Variants in RASAL2 observed in about 807,000 individuals in gnomAD.
The protein encoded by RASAL2 is ras GTPase-activating protein nGAP.
A neutral mutation model predicts 128.9 loss-of-function variants in RASAL2; 58 were observed. The ratio of observed to expected loss-of-function variants is 0.45; its 90% CI spans 0.36 to 0.56. The LOEUF (loss-of-function observed/expected upper bound fraction) is 0.56. Among genes scored for constraint, RASAL2 ranks in the 20% least tolerant of loss-of-function variants. RASAL2 has a pLI of 0.00. For missense variants in RASAL2, 1,360 were observed against 1,601.6 expected (o/e 0.85, Z 2.57); for synonymous variants, 561 against 580.8 (o/e 0.97, Z 0.49).
At chr1:178,371,337 C>A (rs1221059950) in intron 3 of RASAL2, among the ~76,000 whole-genome samples, 1 of 140,974 alleles carries the variant, frequency 7.1e-6, no homozygotes, top group Non-Finnish European at 1.5e-5. Context: ...CACACACACA[C>A]ACACACACAC....
chr1:178,135,984 A>G (rs1469398400), intron 1 of RASAL2, among the ~76,000 whole-genome samples: 1 of 152,188 alleles, frequency 6.6e-6, no homozygotes, highest in Non-Finnish European at 1.5e-5. Context: ...TCAATTCAAG[A>G]TGAGATTTGG....
At chr1:178,272,188 A>G (rs779627790) in intron 1 of RASAL2, among the ~76,000 whole-genome samples, 2 of 152,170 alleles carry the variant, frequency 1.3e-5, no homozygotes, top group Non-Finnish European at 2.9e-5. Flanking sequence ...TCATTGTTAT[A>G]TCCCGAGGCT....
intron 1 of RASAL2, among the ~76,000 whole-genome samples, chr1:178,214,629 G>C (rs1267759493): frequency 6.6e-6 from 1 of 151,506 alleles, no homozygotes; most frequent in Non-Finnish European, 1.5e-5. Context: ...CGCAATCTCG[G>C]CTCACTGCAA....
At chr1:178,179,627 A>C (rs1662017984) in intron 1 of RASAL2, among the ~76,000 whole-genome samples, 1 of 152,206 alleles carries the variant, frequency 6.6e-6, no homozygotes, top group Non-Finnish European at 1.5e-5. Flanking sequence ...AGTCTTATAA[A>C]GTGATAACAC....
At chr1:178,230,065 C>A (rs1663940557) in intron 1 of RASAL2, among the ~76,000 whole-genome samples, 1 of 152,096 alleles carries the variant, frequency 6.6e-6, no homozygotes, top group Non-Finnish European at 1.5e-5. Flanking sequence ...ACAGTGTATA[C>A]TCTAGTGTCT....
intron 5 of RASAL2, among the ~76,000 whole-genome samples, chr1:178,430,026 C>G (rs549959361): frequency 5.1e-4 from 78 of 152,172 alleles, no homozygotes; most frequent in African/African-American, 1.8e-3. Context: ...TTTATCTTTT[C>G]ATATGTCTGC....
At chr1:178,411,918 C>T (rs923841791) in intron 4 of RASAL2, 37 of 665,404 alleles carry the variant, frequency 5.6e-5, no homozygotes, top group Non-Finnish European at 7.7e-5. Context: ...AGCCCTTGCC[C>T]GCTTGAGTAT....
intron 1 of RASAL2, among the ~76,000 whole-genome samples, chr1:178,230,296 C>T (rs1438714734): frequency 1.3e-5 from 2 of 152,072 alleles, no homozygotes; most frequent in Non-Finnish European, 2.9e-5. Flanking sequence ...TTTAATTTCT[C>T]TTGAGTAAAT....
rs545083261 is a variant in RASAL2 at position 178,193,239 on chromosome 1, C to G, written c.203-90325C>G. ...GATAATCTTCTGGTGTATTTTATCT[C>G]TATCTCCTAGCAGCATAATGCTCTT... On this transcript the variant is annotated intron_variant, in intron 1 of 17. Coordinates refer to ENST00000367649, the MANE Select transcript of RASAL2 (RefSeq NM_170692.4). Among the ~76,000 whole-genome samples the G allele has an allele frequency of 3.3e-5, 5 of 152,240 alleles. 1 individual carries two copies. The South Asian group carries it at 8.3e-4, about 25-fold the overall frequency.
At chr1:178,419,555 C>T (rs1263959752) in intron 4 of RASAL2, among the ~76,000 whole-genome samples, 1 of 152,124 alleles carries the variant, frequency 6.6e-6, no homozygotes, top group African/African-American at 2.4e-5. Flanking sequence ...TTTCAAAATG[C>T]TGGGACTACA....
chr1:178,477,720 T>C lies in RASAL2; in HGVS notation c.*4481T>C, dbSNP rs1357379166. The C allele has an allele frequency of 6.6e-6, 1 of 152,208 alleles. No individual in the cohort carries two copies. The highest frequency in any genetic ancestry group is 2.4e-5 in the African/African-American group (1 of 41,444). The allele number at this position is 152,208 out of a possible 1,614,324, so 9.4% of individuals were successfully genotyped here. On this transcript the variant is annotated 3_prime_UTR_variant, in exon 18 of 18. Coordinates refer to ENST00000367649, the MANE Select transcript of RASAL2 (RefSeq NM_170692.4). ...TTTTTCTGAATGTTAATCCATTTTA[T>C]CGAGCAGTGATTCCCAAACTTTGAG...
intron 3 of RASAL2, among the ~76,000 whole-genome samples, chr1:178,366,490 A>G (rs1671403443): frequency 6.6e-6 from 1 of 151,992 alleles, no homozygotes; most frequent in African/African-American, 2.4e-5. Flanking sequence ...AAGGATGGAA[A>G]TCCCAGAGGA....
intron 3 of RASAL2, among the ~76,000 whole-genome samples, chr1:178,357,350 CTTT>C (rs1385120161): frequency 7.4e-6 from 1 of 134,676 alleles, no homozygotes. Context: ...TGTTTCAGTG[CTTT>C]TTTTTTTTTC....
At position 178,283,649 on chromosome 1, in the gene RASAL2, C is replaced by T; in HGVS notation, c.288C>T (p.Ile96=). ...ETTTWERKYC[I]LTDSQLVLLN... ...CAACGTGGGAGCGGAAGTATTGCAT[C>T]CTCACAGACAGCCAGTTGGTATTGC... Residue 96 remains isoleucine, a synonymous_variant, in exon 2 of 18, where the codon ATC becomes ATT. Coordinates refer to ENST00000367649, the MANE Select transcript of RASAL2 (RefSeq NM_170692.4). The T allele has an allele frequency of 6.2e-7, 1 of 1,613,440 alleles. No homozygotes were observed. The highest frequency in any genetic ancestry group is 8.5e-7 in the Non-Finnish European group (1 of 1,179,874).
chr1:178,165,191 A>G (rs1312423584), intron 1 of RASAL2, among the ~76,000 whole-genome samples: 1 of 151,960 alleles, frequency 6.6e-6, no homozygotes. Flanking sequence ...AGGTGTATAC[A>G]TATATATGTG....
chr1:178,160,764 G>C (rs16828608), intron 1 of RASAL2, among the ~76,000 whole-genome samples: 1 of 152,242 alleles, frequency 6.6e-6, no homozygotes, highest in African/African-American at 2.4e-5. Flanking sequence ...TGAAAGAAAC[G>C]TAGCTTAGTT....
chr1:178,186,759 A>G (rs1444923938), intron 1 of RASAL2, among the ~76,000 whole-genome samples: 5 of 151,676 alleles, frequency 3.3e-5, no homozygotes, highest in Admixed American at 2.6e-4. Context: ...TGTTGGTTTT[A>G]TGGATTTTTA....
intron 2 of RASAL2, among the ~76,000 whole-genome samples, chr1:178,296,366 G>A (rs1667508313): frequency 1.3e-5 from 2 of 151,868 alleles, no homozygotes; most frequent in Non-Finnish European, 2.9e-5. Context: ...GGTTTTGTTT[G>A]TTTGTTTTTG....
chr1:178,406,775 G>A (rs1405998156), intron 4 of RASAL2, among the ~76,000 whole-genome samples: 1 of 151,692 alleles, frequency 6.6e-6, no homozygotes, highest in Non-Finnish European at 1.5e-5. Context: ...ATGTCAATAT[G>A]TGTTTTAACA....
Sources: allele counts gnomAD v4.1 joint callset (sites outside exome capture counted in the v4.1 genomes callset), GRCh38; gene constraint gnomAD v4.1.1; transcripts MANE v1.5; gene names NCBI Gene and HGNC (gene_info 2026-07-23, HGNC 2026-07-21).